Variants in NKAIN3 observed in about 807,000 individuals in gnomAD.
NKAIN3 encodes the protein sodium/potassium transporting ATPase interacting 3, also known as sodium/potassium-transporting ATPase subunit beta-1-interacting protein 3.
Under a neutral mutation model 30.2 loss-of-function variants are expected in NKAIN3, and 25 were observed. The observed-to-expected ratio is 0.83, with a 90% CI of 0.60 to 1.16. NKAIN3 has a LOEUF of 1.16. NKAIN3 is among the 50% of genes most tolerant of loss of function. The probability of loss-of-function intolerance (pLI) is 0.00; values close to 1 mark genes in which losing one functional copy is unlikely to be tolerated. For synonymous variants in NKAIN3, 91 were observed against 89.6 expected (o/e 1.02, Z -0.09); for missense variants, 225 against 254.1 (o/e 0.89, Z 0.78).
At chr8:62,370,135 G>C (rs1810539546) in intron 1 of NKAIN3, among the ~76,000 whole-genome samples, 1 of 152,004 alleles carries the variant, frequency 6.6e-6, no homozygotes, top group South Asian at 2.1e-4. Flanking sequence ...TCAAATTATT[G>C]AACTCAGAGA....
chr8:62,788,210 A>C (rs1817584769), intron 4 of NKAIN3, among the ~76,000 whole-genome samples: 1 of 152,052 alleles, frequency 6.6e-6, no homozygotes, highest in African/African-American at 2.4e-5. Context: ...TTGTTTCCTG[A>C]CTTTTTAATG....
At chr8:62,340,775 C>A (rs1023931361) in intron 1 of NKAIN3, among the ~76,000 whole-genome samples, 3 of 151,932 alleles carry the variant, frequency 2.0e-5, no homozygotes, top group Non-Finnish European at 4.4e-5. Flanking sequence ...AACTTAGGAG[C>A]ATTCTTGCTG....
intron 3 of NKAIN3, among the ~76,000 whole-genome samples, chr8:62,732,275 G>C (rs12114187): frequency 4.1e-4 from 62 of 151,858 alleles, no homozygotes; most frequent in African/African-American, 1.2e-3. Flanking sequence ...AGAGTTGATC[G>C]TATTAAACTT....
chr8:62,357,676 A>G (rs1158834664), intron 1 of NKAIN3, among the ~76,000 whole-genome samples: 2 of 152,146 alleles, frequency 1.3e-5, no homozygotes, highest in South Asian at 2.1e-4. Flanking sequence ...AACATGGTCC[A>G]GAGGCTTCCT....
At chr8:62,991,905 A>AAGCTGC (rs1213413492) in intron 5 of NKAIN3, among the ~76,000 whole-genome samples, 2 of 152,060 alleles carry the variant, frequency 1.3e-5, no homozygotes, top group African/African-American at 4.8e-5. Flanking sequence ...GTACAGAGAA[A>AAGCTGC]ATATGTTCAG....
chr8:62,483,079 G>A (rs530969535), intron 1 of NKAIN3: 2 of 152,380 alleles, frequency 1.3e-5, no homozygotes, highest in African/African-American at 4.8e-5. Flanking sequence ...ACAACTTGAA[G>A]ATTTTGAATA....
At chr8:62,367,368 A>G (rs189723218) in intron 1 of NKAIN3, among the ~76,000 whole-genome samples, 1 of 152,326 alleles carries the variant, frequency 6.6e-6, no homozygotes, top group Non-Finnish European at 1.5e-5. Context: ...AACACCATAC[A>G]TCATAATCAA....
chr8:62,849,306 T>G (rs924281131), intron 4 of NKAIN3, among the ~76,000 whole-genome samples: 4 of 151,120 alleles, frequency 2.6e-5, no homozygotes, highest in African/African-American at 9.7e-5. Flanking sequence ...TTTTTTTTTT[T>G]TTTTTTTTGG....
At chr8:62,612,365 A>G (rs1179050057) in intron 3 of NKAIN3, among the ~76,000 whole-genome samples, 1 of 151,958 alleles carries the variant, frequency 6.6e-6, no homozygotes, top group Non-Finnish European at 1.5e-5. Context: ...CGTTACATAG[A>G]TACCCTCTTT....
At chr8:62,682,088 G>A (rs939112217) in intron 3 of NKAIN3, among the ~76,000 whole-genome samples, 2 of 152,120 alleles carry the variant, frequency 1.3e-5, no homozygotes, top group African/African-American at 4.8e-5. Flanking sequence ...GGAAAGCCAA[G>A]AGAATCCACC....
intron 1 of NKAIN3, among the ~76,000 whole-genome samples, chr8:62,385,863 G>C (rs996212089): frequency 6.6e-6 from 1 of 152,288 alleles, no homozygotes; most frequent in South Asian, 2.1e-4. Context: ...GTGTGCATCA[G>C]TATGTGTGAA....
intron 1 of NKAIN3, among the ~76,000 whole-genome samples, chr8:62,458,678 C>A (rs1291913091): frequency 6.6e-6 from 1 of 152,204 alleles, no homozygotes; most frequent in Non-Finnish European, 1.5e-5. Flanking sequence ...TGTCCACCCA[C>A]TCAATAAATA....
intron 1 of NKAIN3, among the ~76,000 whole-genome samples, chr8:62,451,286 T>TCCCTCCCCGCCCGTCCCCTC (rs1805633270): frequency 7.0e-6 from 1 of 142,540 alleles, no homozygotes; most frequent in Non-Finnish European, 1.6e-5. Flanking sequence ...TCTCTCCCCT[T>TCCCTCCCCGCCCGTCCCCTC]CCCTCCCCTC....
intron 4 of NKAIN3, among the ~76,000 whole-genome samples, chr8:62,901,700 C>T (rs1291541705): frequency 6.6e-6 from 1 of 152,200 alleles, no homozygotes; most frequent in Non-Finnish European, 1.5e-5. Flanking sequence ...CATTCAATTA[C>T]AGAAAAGCAG....
intron 1 of NKAIN3, among the ~76,000 whole-genome samples, chr8:62,333,558 AGTCAG>A (rs1563937620): frequency 6.6e-6 from 1 of 152,092 alleles, no homozygotes; most frequent in Non-Finnish European, 1.5e-5. Flanking sequence ...TGTTTTATGA[AGTCAG>A]GTGTAAATAA....
At chr8:62,657,771 GA>G (rs1465889818) in intron 3 of NKAIN3, among the ~76,000 whole-genome samples, 1 of 152,182 alleles carries the variant, frequency 6.6e-6, no homozygotes, top group Non-Finnish European at 1.5e-5. Context: ...CCTGCACCAC[GA>G]AATAGGAACT....
At chr8:62,451,703 CTTAA>C (rs1226897045) in intron 1 of NKAIN3, among the ~76,000 whole-genome samples, 2 of 152,056 alleles carry the variant, frequency 1.3e-5, no homozygotes, top group African/African-American at 4.8e-5. Context: ...TGATTAGTCT[CTTAA>C]TTATCAAAGA....
intron 4 of NKAIN3, among the ~76,000 whole-genome samples, chr8:62,763,221 C>CAAAAAAAAAAAAAAAAAA: frequency 2.1e-5 from 1 of 47,188 alleles, no homozygotes; most frequent in Non-Finnish European, 4.5e-5. Context: ...GACTCCGTCT[C>CAAAAAAAAAAAAAAAAAA]AAAAAAAAAA....
At chr8:62,430,399 G>GTA (rs932050625) in intron 1 of NKAIN3, among the ~76,000 whole-genome samples, 14 of 150,850 alleles carry the variant, frequency 9.3e-5, no homozygotes, top group African/African-American at 3.4e-4. Flanking sequence ...GTGTGTGTGT[G>GTA]TGTGTGTGGA....
Sources: gnomAD v4.1 joint callset for allele counts (sites outside exome capture counted in the v4.1 genomes callset) on GRCh38, gnomAD v4.1.1 for gene constraint, MANE v1.5 for transcripts, NCBI Gene and HGNC (gene_info 2026-07-23, HGNC 2026-07-21) for gene names.